Variants in NRBP2 observed in about 807,000 individuals in gnomAD.
The protein encoded by NRBP2 is nuclear receptor-binding protein 2.
Under a neutral mutation model 74.4 loss-of-function variants are expected in NRBP2, and 47 were observed. The observed-to-expected ratio is 0.63, with a 90% CI of 0.50 to 0.81. The LOEUF (loss-of-function observed/expected upper bound fraction) is 0.81, where lower values mean the gene tolerates loss of function less well. NRBP2 is among the 30% of genes least tolerant of loss of function. The probability of loss-of-function intolerance (pLI) is 0.00; values close to 1 mark genes in which losing one functional copy is unlikely to be tolerated. For synonymous variants in NRBP2, 312 were observed against 273.8 expected (o/e 1.14, Z -1.38); for missense variants, 613 against 690.1 (o/e 0.89, Z 1.25).
chr8:143,838,607 C>A, intron 10 of NRBP2, 73 bp downstream of exon 10: 1 of 1,097,982 alleles, frequency 9.1e-7, no homozygotes, highest in South Asian at 1.4e-5. Context: ...TCTCCCAGGT[C>A]TGCCTGGAGC....
chr8:143,840,612 G>GCGCTCTCCCAGCGCCCCCA lies in NRBP2; in HGVS notation c.129+75_129+93dup. 3 of 1,212,588 alleles carry GCGCTCTCCCAGCGCCCCCA rather than the reference G, an allele frequency of 2.5e-6. No individual in the cohort carries two copies. The South Asian group carries it at 5.3e-5, about 21-fold the overall frequency. 75.1% of individuals were successfully genotyped at this position (1,212,588 alleles called of 1,614,324 possible). On this transcript the variant is annotated intron_variant, in intron 1 of 17. Transcript: ENST00000442628. The surrounding 1 kb of genome is among the most constrained non-coding windows in gnomAD (Gnocchi z 5.7). ...GGCCGCGGAGAGGTTTCCAGCCGCC[G>GCGCTCTCCCAGCGCCCCCA]CGCTCTCCCAGCGCCCCCACGCCCC...
downstream of NRBP2, among the ~76,000 whole-genome samples, chr8:143,832,699 G>A (rs566249541): frequency 1.8e-4 from 27 of 152,310 alleles, no homozygotes; most frequent in Middle Eastern, 6.8e-3. Flanking sequence ...CTTTGTTCAC[G>A]TGTTTGTCTG....
Position 143,837,805 on chromosome 8 carries a change from G to T in NRBP2, c.841-50C>A. 2 of 1,550,250 alleles carry T rather than the reference G, an allele frequency of 1.3e-6. No individual in the cohort carries two copies. Among genetic ancestry groups the T allele is most frequent in the East Asian group, 2.4e-5 (1 of 41,202 alleles). On this transcript the variant is annotated intron_variant, in intron 10 of 17. Transcript: ENST00000442628. This position sits in a 1 kb window ranked among gnomAD's most constrained non-coding sequence, Gnocchi z 4.3. ...GTGGTGTGCAAGGGCTCTCTGCTCT[G>T]GCCCCGCAGTTCGAGGAGAGGTGGC...
chr8:143,831,091 C>T (rs1818148140), downstream of NRBP2, among the ~76,000 whole-genome samples: 1 of 152,240 alleles, frequency 6.6e-6, no homozygotes, highest in Non-Finnish European at 1.5e-5. Context: ...GGGGAAGCCA[C>T]AGGCACCACC....
chr8:143,831,860 C>A (rs1240821164), downstream of NRBP2, among the ~76,000 whole-genome samples: 1 of 152,148 alleles, frequency 6.6e-6, no homozygotes, highest in Non-Finnish European at 1.5e-5. Flanking sequence ...CAGGAAGGCA[C>A]AAGAGTTCTT....
chr8:143,830,181 C>T (rs1348656132), downstream of NRBP2, among the ~76,000 whole-genome samples: 1 of 152,242 alleles, frequency 6.6e-6, no homozygotes, highest in Non-Finnish European at 1.5e-5. Context: ...CTGAAACCTT[C>T]CAAAATTATA....
chr8:143,835,484 C>A lies in NRBP2; in HGVS notation c.*178G>T, dbSNP rs782013811. On this transcript the variant is annotated 3_prime_UTR_variant, in exon 18 of 18. Transcript: ENST00000442628. This position sits in a 1 kb window ranked among gnomAD's most constrained non-coding sequence, Gnocchi z 4.9. ...CGGCTCCCCCACACCCACCCCCCAA[C>A]CCCTCGGCGCCCAAGGCAGGGTCAG... is the stretch of plus-strand genomic sequence containing the variant. The A allele has an allele frequency of 2.3e-5, 15 of 666,652 alleles. No individual in the cohort carries two copies. Among genetic ancestry groups the A allele is most frequent in the Non-Finnish European group, 4.0e-5 (15 of 378,302 alleles). The allele number at this position is 666,652 out of a possible 1,614,324, so 41.3% of individuals were successfully genotyped here.
rs369727929 is a variant in NRBP2 at position 143,835,738 on chromosome 8, A to G, written c.1438-8T>C. On this transcript the variant is annotated splice_region_variant and splice_polypyrimidine_tract_variant and intron_variant, in intron 17 of 17. Coordinates refer to ENST00000442628, the MANE Select transcript of NRBP2 (RefSeq NM_178564.4). This position sits in a 1 kb window ranked among gnomAD's most constrained non-coding sequence, Gnocchi z 4.9. ...CAGCTTCATCCGGTCGTCCTGCGGA[A>G]GGAGGGAGGCATGGGGGACGGAGGG... is the stretch of plus-strand genomic sequence containing the variant. The G allele has an allele frequency of 2.6e-5, 42 of 1,597,572 alleles. 1 individual carries two copies. In the South Asian group the frequency reaches 2.9e-4, roughly 11 times the overall value.
chr8:143,839,761 T>C lies in NRBP2; in HGVS notation c.419A>G (p.Lys140Arg). The change falls in exon 4 of 18, where the codon AAG (lysine) becomes AGG (arginine). Residue 140 changes from lysine to arginine, a missense_variant. Coordinates refer to ENST00000442628, the MANE Select transcript of NRBP2 (RefSeq NM_178564.4). The surrounding 1 kb of genome is among the most constrained non-coding windows in gnomAD (Gnocchi z 5.1). ...CCGGGCGTTCATGGCCTTGTGGTTCTTCTTGGTCTTTTTGAGGAATTGCTT... is the reference window on the plus strand; with the variant it reads ...CCGGGCGTTCATGGCCTTGTGGTTCCTCTTGGTCTTTTTGAGGAATTGCTT... ...SLKQFLKKTK[K>R]NHKAMNARAW... is the part of the protein sequence containing the mutation. The C allele has an allele frequency of 6.5e-7, 1 of 1,535,724 alleles. No individual in the cohort carries two copies. The highest frequency in any genetic ancestry group is 8.7e-7 in the Non-Finnish European group (1 of 1,146,688).
rs1554651641 is a variant in NRBP2 at position 143,836,045 on chromosome 8, G to C, written c.1318-15C>G. The C allele has an allele frequency of 3.2e-6, 5 of 1,562,182 alleles. No homozygotes were observed. The South Asian group carries it at 6.0e-5, about 19-fold the overall frequency. ...AGCAGAGTGAGCTGGGGAGGCGGCG[G>C]GGCGTGGTCGGCTGGGGGTTCAGGG... On this transcript the variant is annotated splice_polypyrimidine_tract_variant and intron_variant, in intron 15 of 17. Coordinates refer to ENST00000442628, the MANE Select transcript of NRBP2 (RefSeq NM_178564.4).
chr8:143,834,722 C>T lies in NRBP2; in HGVS notation c.*940G>A, dbSNP rs1554651036. The T allele has an allele frequency of 6.6e-6, 1 of 152,302 alleles. No individual in the cohort carries two copies. The highest frequency in any genetic ancestry group is 2.4e-5 in the African/African-American group (1 of 41,434). 9.4% of individuals were successfully genotyped at this position (152,302 alleles called of 1,614,324 possible). On this transcript the variant is annotated 3_prime_UTR_variant, in exon 18 of 18. Coordinates refer to ENST00000442628, the MANE Select transcript of NRBP2 (RefSeq NM_178564.4). ...ATTGGAGGAGAGGCAAGCCAAGAAT[C>T]AAGAGGCCAGGAAGGCAGGGGTAGA...
In NRBP2 at chr8:143,837,384, G is replaced by A. The variant is rs781866213; in HGVS notation, c.1076+23C>T. 5.9e-5 allele frequency: 92 copies of A among 1,565,954 alleles called. No individual in the cohort carries two copies. The Admixed American group carries it at 9.4e-4, about 16-fold the overall frequency. On this transcript the variant is annotated intron_variant, in intron 12 of 17. Transcript: ENST00000442628. This position sits in a 1 kb window ranked among gnomAD's most constrained non-coding sequence, Gnocchi z 4.3. The stretch of plus-strand genomic sequence containing the variant: ...GGGAGGGGAGGTGTGGGGAGGGGAG[G>A]CTTCTGGGTGCTGACTGCTCACCGC...
chr8:143,832,090 C>T (rs1253261920), downstream of NRBP2, among the ~76,000 whole-genome samples: 1 of 152,194 alleles, frequency 6.6e-6, no homozygotes, highest in Non-Finnish European at 1.5e-5. Flanking sequence ...AATTCTTCTG[C>T]CTTGAGACTC....
Position 143,838,728 on chromosome 8 carries a change from C to T in NRBP2, c.792G>A (p.Glu264=). 1.9e-6 allele frequency: 3 copies of T among 1,613,434 alleles called. No individual in the cohort carries two copies. Among genetic ancestry groups the T allele is most frequent in the South Asian group, 1.1e-5 (1 of 90,850 alleles). Residue 264 remains glutamate (E), a synonymous_variant, in exon 10 of 18, where the codon GAG becomes GAA. Coordinates refer to ENST00000442628, the MANE Select transcript of NRBP2 (RefSeq NM_178564.4). ...IQTNGDTRVT[E]EAIARARHSL... is the part of the protein sequence containing the mutation. ...AGTGCCTGGCGCGAGCAATGGCCTCCTCTGTGACCCGGGTGTCCCCATTGG... is the reference window on the plus strand; with the variant it reads ...AGTGCCTGGCGCGAGCAATGGCCTCTTCTGTGACCCGGGTGTCCCCATTGG...
Position 143,837,061 on chromosome 8 carries a change from G to A in NRBP2, c.1241C>T (p.Pro414Leu), listed in dbSNP as rs1554651990. ...VQKAKTPTPE[P>L]FDSETRKVIQ... ...CACCTTTCTGGTCTCAGAGTCAAAG[G>A]GCTCTGGCGTCGGGGTCTTGGCCTT... The change falls in exon 14 of 18, where the codon CCC (proline) becomes CTC (leucine). Residue 414 changes from proline to leucine, a missense_variant. Transcript: ENST00000442628. The surrounding 1 kb of genome is among the most constrained non-coding windows in gnomAD (Gnocchi z 4.3). The A allele has an allele frequency of 6.2e-7, 1 of 1,611,514 alleles. No homozygotes were observed. The highest frequency in any genetic ancestry group is 8.5e-7 in the Non-Finnish European group (1 of 1,179,140).
rs1818653811 is a variant in NRBP2, at chr8:143,840,656, T to A, written c.129+50A>T. ...ACGCCCCGCGCAGCCTCCAGGCCCCTCCCGCTCTGGGAGGGCGGTGTCACC... is the reference window on the plus strand; with the variant it reads ...ACGCCCCGCGCAGCCTCCAGGCCCCACCCGCTCTGGGAGGGCGGTGTCACC... On this transcript the variant is annotated intron_variant, in intron 1 of 17. Coordinates refer to ENST00000442628, the MANE Select transcript of NRBP2 (RefSeq NM_178564.4). The surrounding 1 kb of genome is among the most constrained non-coding windows in gnomAD (Gnocchi z 5.7). 2.8e-6 allele frequency: 4 copies of A among 1,404,582 alleles called. No homozygotes were observed. Among genetic ancestry groups the A allele is most frequent in the South Asian group, 2.8e-5 (2 of 70,764 alleles). 87.0% of individuals were successfully genotyped at this position (1,404,582 alleles called of 1,614,324 possible). A position where few individuals can be genotyped will look rare whatever the true frequency, so the allele number is the denominator to read the frequency against.
chr8:143,834,927 C>G lies in NRBP2; in HGVS notation c.*735G>C. The G allele has an allele frequency of 6.6e-6, 1 of 152,320 alleles. No individual in the cohort carries two copies. The highest frequency in any genetic ancestry group is 1.9e-4 in the East Asian group (1 of 5,182). 9.4% of individuals were successfully genotyped at this position (152,320 alleles called of 1,614,324 possible). ...AGGGAGGATGTGGGGTCCCTGACGC[C>G]TCCAGGCCAGGGAATGCATGAGAGA... On this transcript the variant is annotated 3_prime_UTR_variant, in exon 18 of 18. Coordinates refer to ENST00000442628, the MANE Select transcript of NRBP2 (RefSeq NM_178564.4).
Position 143,839,043 on chromosome 8 carries a change from A to G in NRBP2, c.662T>C (p.Leu221Pro). ...TCCATACTCTGGGGGGAAGAAGTGC[A>G]GGTTCCGAAGTTCCTCTCGCTCAGC... Reference protein sequence around the residue: ...IRAEREELRNLHFFPPEYGEV... With the variant: ...IRAEREELRNPHFFPPEYGEV... Residue 221 changes from leucine to proline, a missense_variant, in exon 8 of 18, where the codon CTG (leucine) becomes CCG (proline). This residue lies in a region of NRBP2 where 332 missense variants were observed against 429.2 expected (regional missense o/e 0.77). Transcript: ENST00000442628. This position sits in a 1 kb window ranked among gnomAD's most constrained non-coding sequence, Gnocchi z 5.1. 1 of 1,540,664 alleles carries G rather than the reference A, an allele frequency of 6.5e-7. No individual in the cohort carries two copies. The highest frequency in any genetic ancestry group is 1.2e-5 in the South Asian group (1 of 83,922).
At chr8:143,838,845 A>T in intron 9 of NRBP2, 38 bp downstream of exon 9, 2 of 1,612,890 alleles carry the variant, frequency 1.2e-6, no homozygotes, top group South Asian at 2.2e-5. Context: ...CACAGTTAGG[A>T]GGAGGGCAGA....
Sources: allele counts gnomAD v4.1 joint callset (sites outside exome capture counted in the v4.1 genomes callset), GRCh38; gene constraint gnomAD v4.1.1; regional missense constraint gnomAD v4.1.1; non-coding constraint Gnocchi (gnomAD v3.1); transcripts MANE v1.5; gene names NCBI Gene and HGNC (gene_info 2026-07-23, HGNC 2026-07-21).